The following LUZP2 variants were observed in gnomAD, a reference collection of about 807,000 sequenced individuals.
The protein encoded by LUZP2 is leucine zipper protein 2.
In LUZP2, 52 loss-of-function variants were observed where a neutral mutation model predicts 51.6. That is an observed-to-expected ratio of 1.01 (90% confidence interval 0.81 to 1.27). The LOEUF (loss-of-function observed/expected upper bound fraction) is 1.27, where lower values mean the gene tolerates loss of function less well. Among genes scored for constraint, LUZP2 ranks in the 50% most tolerant of loss-of-function variants. The pLI is 0.00. For synonymous variants in LUZP2, 154 were observed against 137.3 expected (o/e 1.12, Z -0.85); for missense variants, 436 against 395.4 (o/e 1.10, Z -0.87).
chr11:25,032,472 G>T (rs1857717683), intron 9 of LUZP2, among the ~76,000 whole-genome samples: 2 of 152,080 alleles, frequency 1.3e-5, no homozygotes. Flanking sequence ...TTGACATGAA[G>T]ATATAATTTT....
At position 24,860,627 on chromosome 11, in the gene LUZP2, A is replaced by G. The variant is rs915725701; in HGVS notation, c.397-45364A>G. The stretch of plus-strand genomic sequence containing the variant: ...TGCTATTCTCCAGCCTCTTTTAGTG[A>G]CCTCTCTAGGCACTGGAGTGAATCA... On this transcript the variant is annotated intron_variant, in intron 5 of 11. Transcript: ENST00000336930. Among the ~76,000 whole-genome samples, 30 of 151,972 alleles carry G rather than the reference A, an allele frequency of 2.0e-4. 1 individual carries two copies. The highest frequency in any genetic ancestry group is 6.8e-4 in the African/African-American group (28 of 41,340).
In LUZP2 at chr11:24,768,448, G is replaced by A. The variant is rs952273869; in HGVS notation, c.396+5140G>A. ...AAAGGTGTTAGTTGGATAATGTTCA[G>A]GGCTTTTGAAAGAATTACATAGTTG... is the stretch of plus-strand genomic sequence containing the variant. On this transcript the variant is annotated intron_variant, in intron 5 of 11. Transcript: ENST00000336930. Among the ~76,000 whole-genome samples the A allele has an allele frequency of 2.0e-5, 3 of 152,114 alleles. No homozygotes were observed. In the East Asian group the frequency reaches 5.8e-4, roughly 29 times the overall value.
intron 5 of LUZP2, among the ~76,000 whole-genome samples, chr11:24,829,437 G>A (rs2134175326): frequency 6.6e-6 from 1 of 152,254 alleles, no homozygotes; most frequent in African/African-American, 2.4e-5. Flanking sequence ...CTTTAATTTT[G>A]AAATTTAGTA....
intron 1 of LUZP2, among the ~76,000 whole-genome samples, chr11:24,558,398 C>CTA (rs1348462315): frequency 6.6e-6 from 1 of 151,382 alleles, no homozygotes; most frequent in East Asian, 1.9e-4. Flanking sequence ...TCATATATCT[C>CTA]TATATATAGC....
At chr11:24,904,694 TCC>T (rs1274965546) in intron 5 of LUZP2, among the ~76,000 whole-genome samples, 5 of 152,212 alleles carry the variant, frequency 3.3e-5, no homozygotes, top group African/African-American at 1.2e-4. Context: ...AAATACGTTC[TCC>T]CATCCTTCAG....
chr11:24,857,826 G>A (rs1851617758), intron 5 of LUZP2, among the ~76,000 whole-genome samples: 1 of 151,794 alleles, frequency 6.6e-6, no homozygotes, highest in South Asian at 2.1e-4. Context: ...TTAAGCTAAG[G>A]TTTTCAGTAT....
chr11:24,883,588 G>C (rs1164945662), intron 5 of LUZP2, among the ~76,000 whole-genome samples: 2 of 151,978 alleles, frequency 1.3e-5, no homozygotes, highest in Admixed American at 1.3e-4. Flanking sequence ...AATTTAAGAA[G>C]ACATTTCTCA....
At chr11:24,583,259 G>C (rs184743914) in intron 1 of LUZP2, among the ~76,000 whole-genome samples, 1 of 151,802 alleles carries the variant, frequency 6.6e-6, no homozygotes, top group Non-Finnish European at 1.5e-5. Flanking sequence ...ACTTATTTTA[G>C]TGTTCAAACA....
intron 1 of LUZP2, among the ~76,000 whole-genome samples, chr11:24,580,938 C>A (rs933616467): frequency 2.6e-5 from 4 of 151,856 alleles, no homozygotes; most frequent in Non-Finnish European, 5.9e-5. Flanking sequence ...ATATTATGAA[C>A]CAAGTATAAG....
intron 9 of LUZP2, among the ~76,000 whole-genome samples, chr11:25,047,344 T>A (rs55890942): frequency 0.011 from 66 of 5,942 alleles, 1 homozygote; most frequent in African/African-American, 0.025. Context: ...TTTTTTATTT[T>A]TTTTTTTTTT....
At chr11:25,037,128 G>T (rs953705189) in intron 9 of LUZP2, among the ~76,000 whole-genome samples, 2 of 152,064 alleles carry the variant, frequency 1.3e-5, no homozygotes, top group Admixed American at 1.3e-4. Flanking sequence ...TTCTAAATCT[G>T]GGTGCTTCAG....
At chr11:24,843,404 C>T (rs903671447) in intron 5 of LUZP2, among the ~76,000 whole-genome samples, 2 of 151,926 alleles carry the variant, frequency 1.3e-5, no homozygotes, top group African/African-American at 4.8e-5. Flanking sequence ...AAAAATATGA[C>T]AGTAATAGAA....
intron 1 of LUZP2, among the ~76,000 whole-genome samples, chr11:24,620,737 G>T (rs889965327): frequency 2.6e-5 from 4 of 152,118 alleles, no homozygotes; most frequent in Non-Finnish European, 4.4e-5. Context: ...GCTCCAGAAT[G>T]GACATATGCA....
chr11:24,544,321 C>T (rs1195450747), intron 1 of LUZP2, among the ~76,000 whole-genome samples: 1 of 151,980 alleles, frequency 6.6e-6, no homozygotes, highest in Non-Finnish European at 1.5e-5. Context: ...GGTACATGTG[C>T]AGGTTTGTTA....
intron 1 of LUZP2, among the ~76,000 whole-genome samples, chr11:24,583,838 G>A (rs769084838): frequency 4.0e-5 from 6 of 150,756 alleles, no homozygotes; most frequent in Non-Finnish European, 8.9e-5. Flanking sequence ...CGAGTAGCTG[G>A]GACTACAGGA....
intron 4 of LUZP2, among the ~76,000 whole-genome samples, chr11:24,747,890 G>C (rs1859438468): frequency 6.6e-6 from 1 of 151,996 alleles, no homozygotes; most frequent in Admixed American, 6.6e-5. Context: ...TGAAGGGCTG[G>C]TCTCACTCCC....
At chr11:24,703,056 G>A (rs1303908593) in intron 1 of LUZP2, among the ~76,000 whole-genome samples, 2 of 152,174 alleles carry the variant, frequency 1.3e-5, no homozygotes, top group Non-Finnish European at 2.9e-5. Flanking sequence ...GATGGAAAAA[G>A]TTATGAATGT....
At chr11:24,533,639 T>C (rs1851082019) in intron 1 of LUZP2, among the ~76,000 whole-genome samples, 1 of 151,328 alleles carries the variant, frequency 6.6e-6, no homozygotes, top group Admixed American at 6.6e-5. Context: ...ATATATCCTA[T>C]TTATCTTTTC....
chr11:24,817,025 C>A (rs2716479), intron 5 of LUZP2, among the ~76,000 whole-genome samples: 68,038 of 151,724 alleles, frequency 0.45, 15,314 homozygotes, highest in Middle Eastern at 0.52. Flanking sequence ...TAAAATAAAT[C>A]ATTTGAGAAC....
Sources: gnomAD v4.1 joint callset for allele counts (sites outside exome capture counted in the v4.1 genomes callset) on GRCh38, gnomAD v4.1.1 for gene constraint, MANE v1.5 for transcripts, NCBI Gene and HGNC (gene_info 2026-07-23, HGNC 2026-07-21) for gene names.